NOX4: variants seen among roughly 807,000 people sequenced by gnomAD.
NOX4 encodes kidney oxidase-1.
In NOX4, 69 loss-of-function variants were observed where a neutral mutation model predicts 87.6. The ratio of observed to expected loss-of-function variants is 0.79; its 90% CI spans 0.65 to 0.96. The LOEUF (loss-of-function observed/expected upper bound fraction) is 0.96, where lower values mean the gene tolerates loss of function less well. Ranked by LOEUF, NOX4 falls within the 40% of genes least tolerant of loss-of-function variation. The probability of loss-of-function intolerance (pLI) is 0.00; values close to 1 mark genes in which losing one functional copy is unlikely to be tolerated. For synonymous variants in NOX4, 275 were observed against 238.2 expected (o/e 1.15, Z -1.42); for missense variants, 680 against 681.5 (o/e 1.00, Z 0.02).
the NOX4 span, among the ~76,000 whole-genome samples, chr11:89,532,681 A>G: frequency 6.6e-6 from 1 of 152,098 alleles, no homozygotes; most frequent in Admixed American, 6.5e-5. Flanking sequence ...GAAGGACATG[A>G]GATTTGGGAG....
chr11:89,377,480 C>T (rs1939940327), intron 11 of NOX4, among the ~76,000 whole-genome samples: 1 of 152,012 alleles, frequency 6.6e-6, no homozygotes, highest in Admixed American at 6.6e-5. Flanking sequence ...AAAATATAAC[C>T]TTTACCTTCC....
At chr11:89,506,256 AAAG>A in the NOX4 span, among the ~76,000 whole-genome samples, 1 of 149,786 alleles carries the variant, frequency 6.7e-6, no homozygotes, top group Non-Finnish European at 1.5e-5. Context: ...AGAAAGAAAA[AAAG>A]AAAGAGAAAG....
intron 2 of NOX4, among the ~76,000 whole-genome samples, chr11:89,485,754 A>AT (rs1946565007): frequency 1.3e-5 from 2 of 152,302 alleles, no homozygotes; most frequent in South Asian, 4.1e-4. Flanking sequence ...AAAGGTTGCC[A>AT]TGGGGGAGTG....
Position 89,400,342 on chromosome 11 carries a change from C to A in NOX4, c.884G>T (p.Cys295Phe). Residue 295 changes from cysteine to phenylalanine, a missense_variant, in exon 10 of 18, where the codon TGT becomes TTT. Coordinates refer to ENST00000263317, the MANE Select transcript of NOX4 (RefSeq NM_016931.5). ...GATATACCTGTAAAGTCTTTCGGCACAGTACAGGCACAAAGGTCCAGAAAT... is the reference window on the plus strand; with the variant it reads ...GATATACCTGTAAAGTCTTTCGGCAAAGTACAGGCACAAAGGTCCAGAAAT... ...LWISGPLCLY[C>F]AERLYRYIRS... 1.6e-5 allele frequency: 26 copies of A among 1,611,672 alleles called. No individual in the cohort carries two copies. Among genetic ancestry groups the A allele is most frequent in the Non-Finnish European group, 2.2e-5 (26 of 1,178,876 alleles).
At chr11:89,346,588 A>C (rs1946226204) in intron 13 of NOX4, among the ~76,000 whole-genome samples, 1 of 50,990 alleles carries the variant, frequency 2.0e-5, no homozygotes. Context: ...AAAGATGGAG[A>C]ATTACCTGTG....
At chr11:89,416,154 C>A (rs1181995149) in intron 8 of NOX4, among the ~76,000 whole-genome samples, 1 of 152,078 alleles carries the variant, frequency 6.6e-6, no homozygotes, top group Non-Finnish European at 1.5e-5. Context: ...CAATAGCATC[C>A]CCATTCATTC....
intron 12 of NOX4, among the ~76,000 whole-genome samples, chr11:89,365,806 T>C (rs1938938280): frequency 6.9e-6 from 1 of 145,418 alleles, no homozygotes. Context: ...TTTTATGAAG[T>C]TCAAATCTAA....
In NOX4 at chr11:89,402,482, G is replaced by A; in HGVS notation, c.690C>T (p.Asn230=). The change falls in exon 9 of 18, where the codon AAC becomes AAT. Residue 230 remains asparagine, a synonymous_variant. Coordinates refer to ENST00000263317, the MANE Select transcript of NOX4 (RefSeq NM_016931.5). Reference sequence around the variant, plus strand: ...AGGAAATATTCTGAGAGCTGGTTCGGTTAAGACTGATGCAGCCGGGAGGGT... The same window carrying A: ...AGGAAATATTCTGAGAGCTGGTTCGATTAAGACTGATGCAGCCGGGAGGGT... ...DTHPPGCISL[N]RTSSQNISLP... is the part of the protein sequence containing the mutation. 64 of 1,612,552 alleles carry A rather than the reference G, an allele frequency of 4.0e-5. No individual in the cohort carries two copies. The highest frequency in any genetic ancestry group is 5.4e-5 in the Non-Finnish European group (64 of 1,179,450).
the NOX4 span, among the ~76,000 whole-genome samples, chr11:89,566,172 A>G: frequency 6.6e-6 from 1 of 151,116 alleles, no homozygotes; most frequent in African/African-American, 2.4e-5. Flanking sequence ...CCTCCTGAGT[A>G]GCTGGGACTA....
chr11:89,515,281 T>C, the NOX4 span, among the ~76,000 whole-genome samples: 1 of 152,032 alleles, frequency 6.6e-6, no homozygotes, highest in Non-Finnish European at 1.5e-5. Flanking sequence ...TTTTTTAGCG[T>C]GAGTTTTTTT....
At chr11:89,402,688 G>A (rs1941947618) in intron 8 of NOX4, 146 bp from the exon 9 acceptor site, 2 of 686,716 alleles carry the variant, frequency 2.9e-6, no homozygotes, top group African/African-American at 1.8e-5. Flanking sequence ...TATGTATTAT[G>A]TTTAGGAGAA....
At chr11:89,364,953 A>T (rs1208058006) in intron 12 of NOX4, among the ~76,000 whole-genome samples, 1 of 152,080 alleles carries the variant, frequency 6.6e-6, no homozygotes, top group African/African-American at 2.4e-5. Flanking sequence ...AGAAAAGACA[A>T]AAACAAAACA....
At chr11:89,532,596 C>T in the NOX4 span, among the ~76,000 whole-genome samples, 2 of 152,090 alleles carry the variant, frequency 1.3e-5, no homozygotes, top group African/African-American at 4.8e-5. Flanking sequence ...TGGACTTGGA[C>T]TTTTGGGTTA....
Position 89,440,686 on chromosome 11 carries a change from A to G in NOX4, c.475+2T>C. ...AAGAAAAGGCTAAGAATAACAACTT[A>G]CCAGTTGTGAAGAGAAGTTTTCTAG... is the stretch of plus-strand genomic sequence containing the variant. On this transcript the variant is annotated splice_donor_variant, in intron 6 of 17. Transcript: ENST00000263317. LOFTEE classifies it high-confidence loss of function. 1.3e-6 allele frequency: 2 copies of G among 1,549,418 alleles called. No homozygotes were observed. Among genetic ancestry groups the G allele is most frequent in the Non-Finnish European group, 1.8e-6 (2 of 1,136,410 alleles).
At chr11:89,420,372 G>C (rs1943018364) in intron 8 of NOX4, among the ~76,000 whole-genome samples, 1 of 151,838 alleles carries the variant, frequency 6.6e-6, no homozygotes, top group African/African-American at 2.4e-5. Context: ...TCCTCTTCAG[G>C]AGCATAGCCC....
intron 2 of NOX4, among the ~76,000 whole-genome samples, chr11:89,474,887 A>G (rs1946099404): frequency 6.6e-6 from 1 of 152,024 alleles, no homozygotes; most frequent in Non-Finnish European, 1.5e-5. Flanking sequence ...GGGTTAATAT[A>G]CTTTGAAAAT....
At chr11:89,344,231 A>G (rs1171469839) in intron 13 of NOX4, among the ~76,000 whole-genome samples, 3 of 152,060 alleles carry the variant, frequency 2.0e-5, no homozygotes, top group African/African-American at 7.2e-5. Flanking sequence ...ATCTTCTCTG[A>G]TCATCTGTCA....
At chr11:89,549,865 A>T in the NOX4 span, among the ~76,000 whole-genome samples, 1 of 152,330 alleles carries the variant, frequency 6.6e-6, no homozygotes, top group African/African-American at 2.4e-5. Flanking sequence ...TCCATGGTGT[A>T]TATGTGCCAC....
At chr11:89,383,498 C>A (rs1180453935) in intron 11 of NOX4, among the ~76,000 whole-genome samples, 2 of 152,146 alleles carry the variant, frequency 1.3e-5, no homozygotes, top group African/African-American at 4.8e-5. Flanking sequence ...TGGACCATCA[C>A]AGACACTTTG....
Sources: allele counts gnomAD v4.1 joint callset (sites outside exome capture counted in the v4.1 genomes callset), GRCh38; gene constraint gnomAD v4.1.1; transcripts MANE v1.5; gene names NCBI Gene and HGNC (gene_info 2026-07-23, HGNC 2026-07-21).